The following CIMIP1 variants were observed in gnomAD, a reference collection of about 807,000 sequenced individuals.
CIMIP1 encodes low in lung cancer 1.
At chr20:58,150,988 C>T in the CIMIP1 span, 3 of 1,608,802 alleles carry the variant, frequency 1.9e-6, no homozygotes, top group Admixed American at 3.4e-5. Flanking sequence ...CTCTCAGCAC[C>T]GCGGCGGCTG....
chr20:58,155,361 G>A, the CIMIP1 span: 3 of 836,906 alleles, frequency 3.6e-6, no homozygotes, highest in Non-Finnish European at 5.7e-6. Flanking sequence ...CAATGGGGAG[G>A]ACACTCCCCC....
chr20:58,155,013 C>A, the CIMIP1 span, among the ~76,000 whole-genome samples: 1 of 152,208 alleles, frequency 6.6e-6, no homozygotes, highest in Non-Finnish European at 1.5e-5. Context: ...GCTAAGTTGC[C>A]CAGGCTGGTC....
chr20:58,152,627 C>G, the CIMIP1 span, among the ~76,000 whole-genome samples: 2 of 146,288 alleles, frequency 1.4e-5, no homozygotes, highest in African/African-American at 5.1e-5. Flanking sequence ...GAGGCTGAGG[C>G]AGGAGAATTG....
chr20:58,155,500 A>G, the CIMIP1 span: 6 of 1,614,132 alleles, frequency 3.7e-6, no homozygotes, highest in Non-Finnish European at 4.2e-6. Flanking sequence ...TCCCCACCCC[A>G]AAGCCCAAAA....
At chr20:58,153,070 T>G in the CIMIP1 span, among the ~76,000 whole-genome samples, 3 of 152,184 alleles carry the variant, frequency 2.0e-5, no homozygotes, top group Non-Finnish European at 4.4e-5. Flanking sequence ...AATATTAGCA[T>G]GGAGCAAAAG....
At chr20:58,159,462 C>T in the CIMIP1 span, among the ~76,000 whole-genome samples, 1 of 151,418 alleles carries the variant, frequency 6.6e-6, no homozygotes, top group Non-Finnish European at 1.5e-5. Flanking sequence ...TTTCAGTGAA[C>T]TGAGATTGCG....
chr20:58,160,742 C>T, the CIMIP1 span: 4 of 1,614,062 alleles, frequency 2.5e-6, no homozygotes, highest in South Asian at 1.1e-5. Flanking sequence ...GAACAAGTGC[C>T]TAGAGCTCGA....
the CIMIP1 span, among the ~76,000 whole-genome samples, chr20:58,158,843 T>C: frequency 6.6e-6 from 1 of 152,210 alleles, no homozygotes; most frequent in Non-Finnish European, 1.5e-5. Flanking sequence ...CACGCACTCT[T>C]GCATAGACAA....
the CIMIP1 span, among the ~76,000 whole-genome samples, chr20:58,159,976 C>T: frequency 6.8e-3 from 1,036 of 152,342 alleles, 14 homozygotes; most frequent in African/African-American, 0.024. Context: ...GCATATTAAA[C>T]CTCTTTATCT....
At chr20:58,155,978 G>C in the CIMIP1 span, among the ~76,000 whole-genome samples, 1 of 152,186 alleles carries the variant, frequency 6.6e-6, no homozygotes, top group African/African-American at 2.4e-5. Flanking sequence ...ACCTCTCTGT[G>C]TCTCCCCTGC....
the CIMIP1 span, among the ~76,000 whole-genome samples, chr20:58,153,792 T>C: frequency 2.0e-5 from 3 of 152,360 alleles, no homozygotes; most frequent in South Asian, 6.2e-4. Flanking sequence ...TCCTGGGCAC[T>C]GACCACATGC....
chr20:58,158,301 C>T, the CIMIP1 span, among the ~76,000 whole-genome samples: 32 of 152,324 alleles, frequency 2.1e-4, no homozygotes, highest in Admixed American at 5.2e-4. Context: ...AACCTTGATT[C>T]AGGCGAGAAA....
chr20:58,152,529 C>T, the CIMIP1 span, among the ~76,000 whole-genome samples: 2 of 152,038 alleles, frequency 1.3e-5, no homozygotes, highest in African/African-American at 4.8e-5. Flanking sequence ...TGAAGACCAG[C>T]CTGGCCAACA....
At chr20:58,156,366 A>G in the CIMIP1 span, among the ~76,000 whole-genome samples, 5 of 152,246 alleles carry the variant, frequency 3.3e-5, no homozygotes, top group South Asian at 2.1e-4. Context: ...AACAGCATGT[A>G]TGAAAGCCCT....
chr20:58,152,453 A>G, the CIMIP1 span, among the ~76,000 whole-genome samples: 13 of 152,034 alleles, frequency 8.6e-5, no homozygotes, highest in Non-Finnish European at 1.8e-4. Flanking sequence ...TATTTAAGTG[A>G]CTGTCAGCCG....
chr20:58,155,731 C>T, the CIMIP1 span, among the ~76,000 whole-genome samples: 2 of 152,224 alleles, frequency 1.3e-5, no homozygotes, highest in Non-Finnish European at 2.9e-5. Flanking sequence ...CCTTCCCAAA[C>T]CCAGCCATGG....
chr20:58,156,059 A>G, the CIMIP1 span, among the ~76,000 whole-genome samples: 5 of 152,346 alleles, frequency 3.3e-5, no homozygotes, highest in Admixed American at 2.6e-4. Context: ...CAGGCTGCCC[A>G]GCATGTTTAG....
chr20:58,155,503 G>C, the CIMIP1 span: 5 of 1,614,028 alleles, frequency 3.1e-6, no homozygotes, highest in Non-Finnish European at 2.5e-6. Flanking sequence ...CCACCCCAAA[G>C]CCCAAAATCG....
the CIMIP1 span, among the ~76,000 whole-genome samples, chr20:58,154,210 C>G: frequency 1.3e-4 from 20 of 152,170 alleles, no homozygotes; most frequent in Non-Finnish European, 2.9e-5. Context: ...GAGACAGGGC[C>G]AAGCATAATT....
Sources: allele counts gnomAD v4.1 joint callset (sites outside exome capture counted in the v4.1 genomes callset), GRCh38; gene constraint gnomAD v4.1.1; transcripts MANE v1.5; gene names NCBI Gene and HGNC (gene_info 2026-07-23, HGNC 2026-07-21).